Variants in CADPS2 observed in about 807,000 individuals in gnomAD.
The protein encoded by CADPS2 is calcium-dependent secretion activator 2.
A neutral mutation model predicts 172.5 loss-of-function variants in CADPS2; 93 were observed. The ratio of observed to expected loss-of-function variants is 0.54; its 90% CI spans 0.46 to 0.64. The LOEUF (loss-of-function observed/expected upper bound fraction) is 0.64. CADPS2 is among the 30% of genes least tolerant of loss of function. The pLI is 0.00. For missense variants in CADPS2, 1,420 were observed against 1,565.9 expected (o/e 0.91, Z 1.57); for synonymous variants, 546 against 555.2 (o/e 0.98, Z 0.23).
At chr7:122,508,312 T>G (rs1446011165) in intron 9 of CADPS2, among the ~76,000 whole-genome samples, 1 of 151,962 alleles carries the variant, frequency 6.6e-6, no homozygotes, top group African/African-American at 2.4e-5. Context: ...GATGGCATTG[T>G]TTTTTTCTCC....
At chr7:122,709,964 G>C (rs1222812517) in intron 2 of CADPS2, among the ~76,000 whole-genome samples, 2 of 150,480 alleles carry the variant, frequency 1.3e-5, no homozygotes, top group Non-Finnish European at 2.9e-5. Context: ...GCTAAATGAC[G>C]AGTTAATGGG....
At chr7:122,323,265 C>T (rs749707355) in intron 29 of CADPS2, among the ~76,000 whole-genome samples, 3 of 152,000 alleles carry the variant, frequency 2.0e-5, no homozygotes, top group South Asian at 2.1e-4. Flanking sequence ...ATTGGCTAAG[C>T]CTGGAGACTT....
chr7:122,382,561 A>G (rs1363003542), intron 24 of CADPS2, among the ~76,000 whole-genome samples: 1 of 152,186 alleles, frequency 6.6e-6, no homozygotes, highest in African/African-American at 2.4e-5. Context: ...TTATCTGCAT[A>G]GACATTTTTA....
chr7:122,792,152 A>G (rs1408012075), intron 1 of CADPS2, among the ~76,000 whole-genome samples: 1 of 152,206 alleles, frequency 6.6e-6, no homozygotes, highest in Non-Finnish European at 1.5e-5. Flanking sequence ...TTATTCTGCT[A>G]ACATCCTGAG....
intron 1 of CADPS2, among the ~76,000 whole-genome samples, chr7:122,755,284 TCTTAAA>T (rs887004929): frequency 3.3e-5 from 5 of 152,196 alleles, no homozygotes; most frequent in African/African-American, 1.2e-4. Flanking sequence ...AATAAATTCA[TCTTAAA>T]CTTAAAAGGC....
intron 2 of CADPS2, among the ~76,000 whole-genome samples, chr7:122,669,949 A>C: frequency 6.7e-6 from 1 of 150,184 alleles, no homozygotes; most frequent in African/African-American, 2.5e-5. Flanking sequence ...ATCATTCCTG[A>C]CTCCTCACAT....
chr7:122,445,890 T>C (rs556713646), intron 15 of CADPS2, among the ~76,000 whole-genome samples: 2 of 152,320 alleles, frequency 1.3e-5, no homozygotes, highest in South Asian at 2.1e-4. Context: ...TAAGATTTTC[T>C]ACTCAGATAA....
At chr7:122,412,369 G>A (rs1401940652) in intron 19 of CADPS2, among the ~76,000 whole-genome samples, 4 of 152,038 alleles carry the variant, frequency 2.6e-5, no homozygotes, top group Admixed American at 2.6e-4. Context: ...AGTTGGAGAG[G>A]AATAAGGGTA....
At chr7:122,580,739 A>C (rs2068701259) in intron 7 of CADPS2, among the ~76,000 whole-genome samples, 1 of 152,180 alleles carries the variant, frequency 6.6e-6, no homozygotes, top group African/African-American at 2.4e-5. Context: ...GGAAAAGATA[A>C]GAGAGACAGA....
intron 9 of CADPS2, 145 bp from the exon 10 acceptor site, chr7:122,491,565 C>T (rs1056756763): frequency 5.5e-6 from 3 of 550,098 alleles, no homozygotes; most frequent in African/African-American, 3.9e-5. Context: ...TTTTTCAAAA[C>T]CTAGCTCAGA....
chr7:122,569,637 C>T (rs1026776034), intron 7 of CADPS2, among the ~76,000 whole-genome samples: 9 of 136,418 alleles, frequency 6.6e-5, no homozygotes, highest in African/African-American at 2.8e-4. Flanking sequence ...AACTATACTA[C>T]AAGGCTACAG....
chr7:122,742,452 C>T (rs1175374417), intron 1 of CADPS2, among the ~76,000 whole-genome samples: 2 of 151,844 alleles, frequency 1.3e-5, no homozygotes, highest in East Asian at 1.9e-4. Flanking sequence ...AAGGAAAACA[C>T]TTTGAAAACT....
At chr7:122,688,768 C>CAG (rs57152656) in intron 2 of CADPS2, among the ~76,000 whole-genome samples, 102,075 of 151,768 alleles carry the variant, frequency 0.67, 35,082 homozygotes, top group Middle Eastern at 0.84. Flanking sequence ...GTTGTGGTAA[C>CAG]GGGGAGTTAT....
intron 25 of CADPS2, among the ~76,000 whole-genome samples, chr7:122,363,067 T>C (rs796546027): frequency 3.9e-5 from 6 of 152,332 alleles, no homozygotes; most frequent in African/African-American, 1.2e-4. Context: ...TGCTCACATG[T>C]AGAAGTTAAT....
At chr7:122,449,041 A>ATAAAGCTTGTCT (rs1331958096) in intron 15 of CADPS2, among the ~76,000 whole-genome samples, 1 of 152,240 alleles carries the variant, frequency 6.6e-6, no homozygotes, top group Non-Finnish European at 1.5e-5. Flanking sequence ...TGGCTACTGA[A>ATAAAGCTTGTCT]TAAAGCTTGT....
intron 2 of CADPS2, among the ~76,000 whole-genome samples, chr7:122,706,743 C>A (rs2087597745): frequency 1.4e-5 from 2 of 141,930 alleles, no homozygotes; most frequent in African/African-American, 2.6e-5. Flanking sequence ...TATATAAGAG[C>A]AAGGAATATA....
intron 14 of CADPS2, among the ~76,000 whole-genome samples, chr7:122,461,328 G>A (rs890814092): frequency 6.6e-6 from 1 of 152,112 alleles, no homozygotes; most frequent in African/African-American, 2.4e-5. Context: ...TGCTATTCCA[G>A]AACTGATGAC....
chr7:122,476,388 T>C (rs2056624166), intron 12 of CADPS2, among the ~76,000 whole-genome samples: 1 of 152,110 alleles, frequency 6.6e-6, no homozygotes, highest in Admixed American at 6.6e-5. Flanking sequence ...TTTCTTTTAC[T>C]ATAAAGATTT....
rs1048485188 is a variant in CADPS2, at chr7:122,839,541, G to C, written c.339+46458C>G. The stretch of plus-strand genomic sequence containing the variant: ...TTGCAATCTACTCATCTGACAAAGG[G>C]CTAATATCCAGAATCTACAAAGAAC... On this transcript the variant is annotated intron_variant, in intron 1 of 29. Coordinates refer to ENST00000449022, the MANE Select transcript of CADPS2 (RefSeq NM_017954.11). Among the ~76,000 whole-genome samples the C allele has an allele frequency of 2.6e-5, 4 of 152,102 alleles. 1 individual carries two copies. The highest frequency in any genetic ancestry group is 9.7e-5 in the African/African-American group (4 of 41,410).
Sources: allele counts gnomAD v4.1 joint callset (sites outside exome capture counted in the v4.1 genomes callset), GRCh38; gene constraint gnomAD v4.1.1; transcripts MANE v1.5; gene names NCBI Gene and HGNC (gene_info 2026-07-23, HGNC 2026-07-21).